Variants in MBD5 observed in about 807,000 individuals in gnomAD.
MBD5 encodes the protein methyl-CpG binding domain protein 5.
Under a neutral mutation model 117.3 loss-of-function variants are expected in MBD5, and 13 were observed. That is an observed-to-expected ratio of 0.11 (90% confidence interval 0.07 to 0.18). The LOEUF (loss-of-function observed/expected upper bound fraction) is 0.18, where lower values mean the gene tolerates loss of function less well. Among genes scored for constraint, MBD5 ranks in the 10% least tolerant of loss-of-function variants. The probability of loss-of-function intolerance (pLI) is 1.00; values close to 1 mark genes in which losing one functional copy is unlikely to be tolerated. For synonymous variants in MBD5, 727 were observed against 766.4 expected (o/e 0.95, Z 0.85); for missense variants, 1,879 against 2,093.8 (o/e 0.90, Z 2.00).
At chr2:148,312,260 G>C (rs756188771) in intron 3 of MBD5, among the ~76,000 whole-genome samples, 38 of 152,116 alleles carry the variant, frequency 2.5e-4, no homozygotes, top group Admixed American at 1.2e-3. Flanking sequence ...ACTTGGTTGC[G>C]TTCTTCCCAT....
chr2:148,268,586 A>C (rs1301949462), intron 3 of MBD5, among the ~76,000 whole-genome samples: 1 of 151,558 alleles, frequency 6.6e-6, no homozygotes, highest in Non-Finnish European at 1.5e-5. Context: ...ATTTATATAT[A>C]ATATCATGTT....
chr2:148,256,461 C>T (rs1270422680), intron 3 of MBD5, among the ~76,000 whole-genome samples: 1 of 152,234 alleles, frequency 6.6e-6, no homozygotes, highest in Non-Finnish European at 1.5e-5. Context: ...CGTGGCTTGA[C>T]CCCAAATGGG....
chr2:148,110,988 T>A (rs926346969), intron 1 of MBD5, among the ~76,000 whole-genome samples: 3 of 152,090 alleles, frequency 2.0e-5, no homozygotes, highest in Non-Finnish European at 4.4e-5. Flanking sequence ...TATTTTAAAA[T>A]TTTTTTGAAG....
At chr2:148,130,853 A>G (rs6748352) in intron 1 of MBD5, among the ~76,000 whole-genome samples, 12,352 of 152,214 alleles carry the variant, frequency 0.081, 634 homozygotes, top group African/African-American at 0.14. Context: ...TCTCCTGGGC[A>G]AGGTTGGGGA....
intron 4 of MBD5, chr2:148,347,227 T>G (rs1246845625): frequency 1.3e-5 from 2 of 151,958 alleles, no homozygotes; most frequent in Non-Finnish European, 2.9e-5. Context: ...AAAGAAAAAT[T>G]AACTGGGCAT....
At chr2:148,108,304 T>C (rs1035412195) in intron 1 of MBD5, among the ~76,000 whole-genome samples, 1 of 152,198 alleles carries the variant, frequency 6.6e-6, no homozygotes, top group Non-Finnish European at 1.5e-5. Context: ...TGTGCTTCAC[T>C]GTCTTGACCT....
At chr2:148,321,683 C>G (rs750658780) in intron 3 of MBD5, among the ~76,000 whole-genome samples, 1 of 152,126 alleles carries the variant, frequency 6.6e-6, no homozygotes, top group Non-Finnish European at 1.5e-5. Flanking sequence ...ACTTTTTTAC[C>G]TTTGTGCTTT....
intron 1 of MBD5, among the ~76,000 whole-genome samples, chr2:148,049,752 A>G (rs1694642940): frequency 6.6e-6 from 1 of 152,130 alleles, no homozygotes. Flanking sequence ...GGCAACTTCT[A>G]GTCTACTTTC....
intron 3 of MBD5, among the ~76,000 whole-genome samples, chr2:148,247,101 T>C (rs1700354903): frequency 6.6e-6 from 1 of 152,220 alleles, no homozygotes; most frequent in Admixed American, 6.5e-5. Context: ...TCTCTCATTC[T>C]GTCATCAGCT....
chr2:148,177,273 C>T (rs531412256), intron 1 of MBD5, among the ~76,000 whole-genome samples: 6 of 152,164 alleles, frequency 3.9e-5, no homozygotes, highest in Non-Finnish European at 8.8e-5. Context: ...CAATTCTACA[C>T]GGACTGTAGA....
intron 2 of MBD5, among the ~76,000 whole-genome samples, chr2:148,230,561 A>G (rs1273538720): frequency 6.6e-6 from 1 of 152,122 alleles, no homozygotes; most frequent in Non-Finnish European, 1.5e-5. Flanking sequence ...GCTGGTAACT[A>G]AGGTACAAGA....
At chr2:148,506,767 G>A (rs1009859265) in intron 12 of MBD5, among the ~76,000 whole-genome samples, 2 of 152,204 alleles carry the variant, frequency 1.3e-5, no homozygotes, top group Admixed American at 1.3e-4. Flanking sequence ...AATCAAGTAG[G>A]TTTTAGAGTG....
At chr2:148,491,354 G>A (rs573843894) in intron 11 of MBD5, among the ~76,000 whole-genome samples, 7 of 146,848 alleles carry the variant, frequency 4.8e-5, no homozygotes, top group African/African-American at 1.5e-4. Context: ...CACTAGGCAA[G>A]AAATATGCAG....
intron 4 of MBD5, among the ~76,000 whole-genome samples, chr2:148,406,479 C>T (rs12617242): frequency 0.098 from 14,889 of 152,178 alleles, 911 homozygotes; most frequent in East Asian, 0.29. Flanking sequence ...CAGATTGCTT[C>T]TTCCAGTCAA....
At position 148,057,338 on chromosome 2, in the gene MBD5, T is replaced by C. The variant is rs142474141; in HGVS notation, c.-925+35654T>C. ...TTCAGCCTTTTATCTTTTTAAACTT[T>C]AAGTACTTACGGCCATTAATTATCC... is the stretch of plus-strand genomic sequence containing the variant. On this transcript the variant is annotated intron_variant, in intron 1 of 13. Coordinates refer to ENST00000642680, the MANE Select transcript of MBD5 (RefSeq NM_001378120.1). Among the ~76,000 whole-genome samples the C allele has an allele frequency of 7.4e-3, 1,121 of 151,974 alleles. 12 individuals carry two copies. The highest frequency in any genetic ancestry group is 0.025 in the African/African-American group (1,036 of 41,542).
intron 1 of MBD5, among the ~76,000 whole-genome samples, chr2:148,070,200 A>T (rs542577141): frequency 2.0e-5 from 3 of 152,170 alleles, no homozygotes; most frequent in African/African-American, 7.2e-5. Context: ...AGAGCATGTC[A>T]TGTTTCTCTT....
chr2:148,206,540 C>A (rs1699287350), intron 2 of MBD5, among the ~76,000 whole-genome samples: 1 of 152,094 alleles, frequency 6.6e-6, no homozygotes, highest in Non-Finnish European at 1.5e-5. Flanking sequence ...TGCTATTGAA[C>A]CCTAGAACTT....
At chr2:148,289,443 G>T (rs1375136552) in intron 3 of MBD5, among the ~76,000 whole-genome samples, 1 of 152,002 alleles carries the variant, frequency 6.6e-6, no homozygotes, top group Non-Finnish European at 1.5e-5. Context: ...TTACACTGTG[G>T]GTAGGTATAA....
At chr2:148,243,678 ATT>A (rs1286017352) in intron 3 of MBD5, 6 of 152,072 alleles carry the variant, frequency 3.9e-5, no homozygotes, top group Non-Finnish European at 7.4e-5. Flanking sequence ...CCCAAGGAAA[ATT>A]AGTTCAGTTT....
Sources: gnomAD v4.1 joint callset for allele counts (sites outside exome capture counted in the v4.1 genomes callset) on GRCh38, gnomAD v4.1.1 for gene constraint, MANE v1.5 for transcripts, NCBI Gene and HGNC (gene_info 2026-07-23, HGNC 2026-07-21) for gene names.